Variants in MAGI2 observed in about 807,000 individuals in gnomAD.
The protein encoded by MAGI2 is membrane-associated guanylate kinase, WW and PDZ domain-containing protein 2.
Under a neutral mutation model 133.3 loss-of-function variants are expected in MAGI2, and 35 were observed. That is an observed-to-expected ratio of 0.26 (90% CI 0.20 to 0.35). The LOEUF is 0.35. MAGI2 is among the 10% of genes least tolerant of loss of function. MAGI2 has a pLI of 1.00. For missense variants in MAGI2, 1,636 were observed against 1,863.4 expected, an observed-to-expected ratio of 0.88 and a Z score of 2.25; for synonymous variants, 729 against 710.6, an observed-to-expected ratio of 1.03 and a Z score of -0.41.
At chr7:78,451,783 C>A (rs963691033) in intron 6 of MAGI2, among the ~76,000 whole-genome samples, 2 of 152,058 alleles carry the variant, frequency 1.3e-5, no homozygotes, top group Non-Finnish European at 1.5e-5. Context: ...AAGCTTCTTT[C>A]CTGGATCAGG....
chr7:78,732,553 A>G (rs1821471469), intron 2 of MAGI2, among the ~76,000 whole-genome samples: 1 of 152,162 alleles, frequency 6.6e-6, no homozygotes, highest in South Asian at 2.1e-4. Flanking sequence ...AGAATATAGG[A>G]GTGATGTATT....
chr7:78,612,812 G>GGCGCCCGCCACC lies in MAGI2; in HGVS notation c.538+14296_538+14307dup, dbSNP rs544094635. Among the ~76,000 whole-genome samples the GGCGCCCGCCACC allele has an allele frequency of 9.9e-3, 1,498 of 152,064 alleles. 24 individuals are homozygous for GGCGCCCGCCACC. Among genetic ancestry groups the GGCGCCCGCCACC allele is most frequent in the African/African-American group, 0.033 (1,369 of 41,462 alleles). On this transcript the variant is annotated intron_variant, in intron 3 of 21. Coordinates refer to ENST00000354212, the MANE Select transcript of MAGI2 (RefSeq NM_012301.4). ...AGCCTCCCGAGAAGCTGGGACTACA[G>GGCGCCCGCCACC]GCGCCCGCCACCACGCCCGGCTAAT...
At chr7:79,324,560 C>T (rs1585573403) in intron 1 of MAGI2, among the ~76,000 whole-genome samples, 1 of 28,522 alleles carries the variant, frequency 3.5e-5, no homozygotes, top group African/African-American at 1.2e-4. Context: ...CATATATACA[C>T]ATATAACCAT....
intron 2 of MAGI2, among the ~76,000 whole-genome samples, chr7:78,979,341 G>T (rs1339355170): frequency 6.6e-6 from 1 of 150,756 alleles, no homozygotes; most frequent in African/African-American, 2.4e-5. Context: ...TAAGAAAGAG[G>T]TCAAAAAAGT....
chr7:78,064,819 A>C (rs1204753524), intron 21 of MAGI2, among the ~76,000 whole-genome samples: 1 of 152,182 alleles, frequency 6.6e-6, no homozygotes, highest in Non-Finnish European at 1.5e-5. Flanking sequence ...TGCTTGAACC[A>C]TGGTTGCAAG....
chr7:78,573,579 C>T (rs1340932107), intron 3 of MAGI2, among the ~76,000 whole-genome samples: 2 of 148,916 alleles, frequency 1.3e-5, no homozygotes, highest in Admixed American at 6.8e-5. Flanking sequence ...CTTTGAAGCC[C>T]TTCATTTATT....
intron 6 of MAGI2, among the ~76,000 whole-genome samples, chr7:78,464,067 C>T (rs1162072621): frequency 1.3e-5 from 2 of 152,144 alleles, no homozygotes; most frequent in African/African-American, 4.8e-5. Flanking sequence ...ATCTGATATA[C>T]TGGAGGTGCT....
At chr7:78,774,884 G>A (rs987100823) in intron 2 of MAGI2, among the ~76,000 whole-genome samples, 6 of 152,104 alleles carry the variant, frequency 3.9e-5, no homozygotes, top group Non-Finnish European at 7.4e-5. Flanking sequence ...AAAAGTCACC[G>A]CAGAAGAATA....
intron 9 of MAGI2, among the ~76,000 whole-genome samples, chr7:78,274,907 A>C (rs1346295484): frequency 6.6e-6 from 1 of 151,984 alleles, no homozygotes; most frequent in Non-Finnish European, 1.5e-5. Context: ...GAGCCAGACC[A>C]CTTGGCTCCC....
intron 9 of MAGI2, among the ~76,000 whole-genome samples, chr7:78,297,570 G>T (rs1345101918): frequency 6.7e-6 from 1 of 149,218 alleles, no homozygotes; most frequent in Non-Finnish European, 1.5e-5. Flanking sequence ...CAAAGACTTG[G>T]AACCAACCCA....
intron 6 of MAGI2, among the ~76,000 whole-genome samples, chr7:78,477,403 T>C (rs571848678): frequency 2.0e-5 from 3 of 152,098 alleles, no homozygotes; most frequent in Non-Finnish European, 4.4e-5. Flanking sequence ...AAATTTACCC[T>C]GTAAGTTTAA....
intron 21 of MAGI2, among the ~76,000 whole-genome samples, chr7:78,066,829 G>T (rs969794404): frequency 6.6e-6 from 1 of 152,212 alleles, no homozygotes; most frequent in Non-Finnish European, 1.5e-5. Flanking sequence ...GTGATCAGAA[G>T]AACTTAATCC....
chr7:79,132,888 T>C (rs1821061343), intron 1 of MAGI2, among the ~76,000 whole-genome samples: 2 of 152,184 alleles, frequency 1.3e-5, no homozygotes, highest in Non-Finnish European at 2.9e-5. Flanking sequence ...AGATTGCATT[T>C]CTCTGATGAT....
chr7:78,827,485 T>C (rs1033407910), intron 2 of MAGI2, among the ~76,000 whole-genome samples: 2 of 152,086 alleles, frequency 1.3e-5, no homozygotes, highest in Admixed American at 6.5e-5. Context: ...GTATGTTGCC[T>C]AGGCTAGTAT....
At chr7:79,081,136 T>C (rs1379419303) in intron 1 of MAGI2, among the ~76,000 whole-genome samples, 1 of 152,118 alleles carries the variant, frequency 6.6e-6, no homozygotes, top group Admixed American at 6.6e-5. Context: ...AAGGGCCTTC[T>C]CACAGTGCTC....
At chr7:78,658,319 A>G (rs1329242985) in intron 2 of MAGI2, among the ~76,000 whole-genome samples, 1 of 152,212 alleles carries the variant, frequency 6.6e-6, no homozygotes, top group Non-Finnish European at 1.5e-5. Context: ...AACCTCACGC[A>G]TTTTACAAAA....
intron 1 of MAGI2, among the ~76,000 whole-genome samples, chr7:79,325,179 T>A (rs1287760616): frequency 6.6e-6 from 1 of 152,106 alleles, no homozygotes; most frequent in Non-Finnish European, 1.5e-5. Flanking sequence ...CCATCCAACA[T>A]CCTTGACCAT....
At chr7:79,126,595 T>G (rs1342344494) in intron 1 of MAGI2, among the ~76,000 whole-genome samples, 2 of 152,082 alleles carry the variant, frequency 1.3e-5, no homozygotes, top group Non-Finnish European at 2.9e-5. Context: ...AGCCAGAGAC[T>G]TACAAATTCC....
chr7:78,509,282 G>A (rs868298860), intron 4 of MAGI2: 2 of 152,032 alleles, frequency 1.3e-5, no homozygotes, highest in African/African-American at 2.4e-5. Context: ...ATTGGGGCAC[G>A]AAACAGACAT....
Sources: gnomAD v4.1 joint callset for allele counts (sites outside exome capture counted in the v4.1 genomes callset) on GRCh38, gnomAD v4.1.1 for gene constraint, MANE v1.5 for transcripts, NCBI Gene and HGNC (gene_info 2026-07-23, HGNC 2026-07-21) for gene names.